The following SMYD3 variants were observed in gnomAD, a reference collection of about 807,000 sequenced individuals.
SMYD3 encodes the protein SET and MYND domain containing 3.
Under a neutral mutation model 57.7 loss-of-function variants are expected in SMYD3, and 36 were observed. The ratio of observed to expected loss-of-function variants is 0.62; its 90% CI spans 0.48 to 0.82. SMYD3 has a LOEUF of 0.82. Among genes scored for constraint, SMYD3 ranks in the 40% least tolerant of loss-of-function variants. The pLI is 0.00. For missense variants in SMYD3, 515 were observed against 538.8 expected (o/e 0.96, Z 0.44); for synonymous variants, 211 against 195.0 (o/e 1.08, Z -0.68).
At chr1:246,444,663 C>T (rs2067526186) in intron 1 of SMYD3, among the ~76,000 whole-genome samples, 1 of 152,130 alleles carries the variant, frequency 6.6e-6, no homozygotes, top group Non-Finnish European at 1.5e-5. Flanking sequence ...CATCTAAATA[C>T]CATTAAAACT....
At chr1:246,305,977 G>T (rs2064970490) in intron 5 of SMYD3, 1 of 152,094 alleles carries the variant, frequency 6.6e-6, no homozygotes, top group Non-Finnish European at 1.5e-5. Context: ...ACAACTTACA[G>T]TGGATTTGCT....
intron 1 of SMYD3, among the ~76,000 whole-genome samples, chr1:246,438,700 G>A (rs1202784581): frequency 2.6e-5 from 4 of 152,038 alleles, no homozygotes; most frequent in East Asian, 1.9e-4. Flanking sequence ...GACCAGTTTC[G>A]TGGAAGACAA....
At position 245,861,513 on chromosome 1, in the gene SMYD3, T is replaced by G. The variant is rs1489837940; in HGVS notation, c.901+2286A>C. On this transcript the variant is annotated intron_variant, in intron 9 of 11. Transcript: ENST00000490107. ...TCATATTACTCTACTGCTTAAAAAA[T>G]CATCCCATGGCCTCCTCTCACCTAT... Among the ~76,000 whole-genome samples, 6 of 152,194 alleles carry G rather than the reference T, an allele frequency of 3.9e-5. No homozygotes were observed. The East Asian group carries it at 1.2e-3, about 29-fold the overall frequency.
chr1:246,189,385 G>A (rs916935129), intron 5 of SMYD3, among the ~76,000 whole-genome samples: 4 of 152,148 alleles, frequency 2.6e-5, no homozygotes, highest in African/African-American at 4.8e-5. Context: ...CGCAAGTGTC[G>A]GTAACAGTTA....
chr1:246,372,370 T>A (rs760042599), intron 1 of SMYD3, among the ~76,000 whole-genome samples: 37 of 152,164 alleles, frequency 2.4e-4, no homozygotes, highest in South Asian at 8.3e-4. Flanking sequence ...CTTTTTATTC[T>A]ATTTTTTTAG....
Position 246,335,428 on chromosome 1 carries a change from C to A in SMYD3, c.275G>T (p.Ser92Ile), listed in dbSNP as rs148874023. The A allele has an allele frequency of 1.9e-6, 3 of 1,614,148 alleles. No individual in the cohort carries two copies. The highest frequency in any genetic ancestry group is 1.7e-5 in the Admixed American group (1 of 60,022). ...GTCTGGAGGATATCTGGGTTTGCAG[C>A]TTTTAAGGCATTTGCATTCCCGCTT... is the stretch of plus-strand genomic sequence containing the variant. ...DHKRECKCLK[S>I]CKPRYPPDSV... is the part of the protein sequence containing the mutation. Residue 92 changes from serine (S) to isoleucine (I), a missense_variant, in exon 3 of 12, where the codon AGC becomes ATC. Ser to Ile is a moderately radical substitution (Grantham distance 142). Coordinates refer to ENST00000490107, the MANE Select transcript of SMYD3 (RefSeq NM_001167740.2).
intron 10 of SMYD3, among the ~76,000 whole-genome samples, chr1:245,816,027 T>C (rs1254542975): frequency 6.6e-6 from 1 of 152,206 alleles, no homozygotes; most frequent in Non-Finnish European, 1.5e-5. Context: ...ACAGTGCACC[T>C]CTGTGACCGA....
At chr1:245,849,683 C>A (rs1297812925) in intron 10 of SMYD3, among the ~76,000 whole-genome samples, 1 of 151,910 alleles carries the variant, frequency 6.6e-6, no homozygotes, top group Non-Finnish European at 1.5e-5. Context: ...GACAGGGTCT[C>A]GCTCAGTCAC....
At chr1:246,051,507 A>G (rs1303855346) in intron 5 of SMYD3, among the ~76,000 whole-genome samples, 1 of 152,158 alleles carries the variant, frequency 6.6e-6, no homozygotes, top group Non-Finnish European at 1.5e-5. Flanking sequence ...AATACTCTTG[A>G]CTATTTACAT....
At chr1:245,944,987 C>T (rs1411126864) in intron 5 of SMYD3, among the ~76,000 whole-genome samples, 1 of 152,020 alleles carries the variant, frequency 6.6e-6, no homozygotes, top group Non-Finnish European at 1.5e-5. Context: ...AAAATTAACT[C>T]AAGATGGATT....
At chr1:245,905,529 G>A (rs1200419533) in intron 8 of SMYD3, among the ~76,000 whole-genome samples, 1 of 152,204 alleles carries the variant, frequency 6.6e-6, no homozygotes, top group Admixed American at 6.5e-5. Flanking sequence ...GAAAGATTGA[G>A]TCTTACAGTT....
intron 8 of SMYD3, among the ~76,000 whole-genome samples, chr1:245,905,525 T>C (rs890045507): frequency 2.6e-5 from 4 of 152,176 alleles, no homozygotes; most frequent in African/African-American, 9.7e-5. Context: ...CTGAGAAAGA[T>C]TGAGTCTTAC....
At chr1:246,115,632 G>A (rs1242215537) in intron 5 of SMYD3, among the ~76,000 whole-genome samples, 1 of 152,166 alleles carries the variant, frequency 6.6e-6, no homozygotes, top group Non-Finnish European at 1.5e-5. Flanking sequence ...TGGTTTCACT[G>A]GACGGCAGTG....
chr1:245,802,443 G>A (rs1046465365), intron 10 of SMYD3, among the ~76,000 whole-genome samples: 1 of 152,168 alleles, frequency 6.6e-6, no homozygotes, highest in Non-Finnish European at 1.5e-5. Context: ...TGATATCAAG[G>A]TCACAACTAA....
chr1:245,843,594 A>G (rs2050515629), intron 10 of SMYD3, among the ~76,000 whole-genome samples: 1 of 151,454 alleles, frequency 6.6e-6, no homozygotes, highest in South Asian at 2.1e-4. Context: ...GCATATACAT[A>G]TATGTGAAAC....
At chr1:246,086,703 CTTT>C (rs201039814) in intron 5 of SMYD3, among the ~76,000 whole-genome samples, 1 of 150,388 alleles carries the variant, frequency 6.6e-6, no homozygotes, top group African/African-American at 2.5e-5. Flanking sequence ...GCCAAATTTT[CTTT>C]TTTTTTAATT....
At chr1:246,241,620 G>A (rs1004846134) in intron 5 of SMYD3, among the ~76,000 whole-genome samples, 3 of 152,130 alleles carry the variant, frequency 2.0e-5, no homozygotes, top group African/African-American at 7.2e-5. Context: ...AATGAGTTAG[G>A]GAGGATTCCC....
intron 5 of SMYD3, among the ~76,000 whole-genome samples, chr1:246,064,746 T>C (rs2060311547): frequency 1.3e-5 from 2 of 152,240 alleles, no homozygotes; most frequent in Non-Finnish European, 2.9e-5. Flanking sequence ...AGGGTTCCCC[T>C]GAGGTCAGCT....
intron 9 of SMYD3, among the ~76,000 whole-genome samples, chr1:245,861,189 C>T (rs560499293): frequency 6.6e-6 from 1 of 152,198 alleles, no homozygotes; most frequent in Non-Finnish European, 1.5e-5. Flanking sequence ...GCTTTTCCCC[C>T]CAAGCTACTA....
Sources: allele counts gnomAD v4.1 joint callset (sites outside exome capture counted in the v4.1 genomes callset), GRCh38; gene constraint gnomAD v4.1.1; transcripts MANE v1.5; gene names NCBI Gene and HGNC (gene_info 2026-07-23, HGNC 2026-07-21).